The following PPP1R17 variants were observed in gnomAD, a reference collection of about 807,000 sequenced individuals.
PPP1R17 encodes protein phosphatase 1 regulatory subunit 17.
A neutral mutation model predicts 15.9 loss-of-function variants in PPP1R17; 12 were observed. That is an observed-to-expected ratio of 0.75 (90% confidence interval 0.48 to 1.22). PPP1R17 has a LOEUF of 1.22. Ranked by LOEUF, PPP1R17 falls within the 50% of genes most tolerant of loss-of-function variation. PPP1R17 has a pLI of 0.00. For synonymous variants in PPP1R17, 63 were observed against 64.5 expected, an observed-to-expected ratio of 0.98 and a Z score of 0.11; for missense variants, 211 against 187.3, an observed-to-expected ratio of 1.13 and a Z score of -0.74.
chr7:31,706,080 C>T (rs59665405), intron 4 of PPP1R17, among the ~76,000 whole-genome samples: 9,323 of 128,920 alleles, frequency 0.072, 361 homozygotes, highest in Middle Eastern at 0.12. Context: ...TCTCGGCTTG[C>T]TGCAATCTCT....
chr7:31,690,956 G>A (rs1433053572), intron 1 of PPP1R17, among the ~76,000 whole-genome samples: 1 of 152,096 alleles, frequency 6.6e-6, no homozygotes, highest in Non-Finnish European at 1.5e-5. Context: ...GAGGAAAATT[G>A]GTTAAATAGG....
intron 4 of PPP1R17, among the ~76,000 whole-genome samples, chr7:31,697,785 G>A (rs1448471536): frequency 6.6e-6 from 1 of 152,176 alleles, no homozygotes; most frequent in Admixed American, 6.5e-5. Context: ...CCTACTAAAT[G>A]TTAGGCACTC....
At chr7:31,693,942 T>C (rs186768625) in intron 2 of PPP1R17, among the ~76,000 whole-genome samples, 9 of 152,332 alleles carry the variant, frequency 5.9e-5, no homozygotes, top group South Asian at 2.1e-4. Context: ...AGGCCATACT[T>C]AGAGTGTCCA....
chr7:31,705,855 C>A (rs1362389934), intron 4 of PPP1R17, among the ~76,000 whole-genome samples: 1 of 151,948 alleles, frequency 6.6e-6, no homozygotes, highest in East Asian at 1.9e-4. Flanking sequence ...CTTCCTTTGA[C>A]CTTACATTAA....
rs749800867 is a variant in PPP1R17, at chr7:31,697,152, G to A, written c.388+35G>A. ...CTGGTGCAGGGCATTTGCAGGGGGT[G>A]ATGGGGACAGGTCAAGAACCTTACC... On this transcript the variant is annotated intron_variant, in intron 4 of 4. Coordinates refer to ENST00000342032, the MANE Select transcript of PPP1R17 (RefSeq NM_006658.5). The A allele has an allele frequency of 2.0e-5, 32 of 1,609,798 alleles. No individual in the cohort carries two copies. The East Asian group carries it at 6.9e-4, about 35-fold the overall frequency.
At chr7:31,704,479 C>T (rs962372187) in intron 4 of PPP1R17, among the ~76,000 whole-genome samples, 2 of 152,224 alleles carry the variant, frequency 1.3e-5, no homozygotes, top group South Asian at 4.2e-4. Flanking sequence ...AGAGAGAGGA[C>T]GAAGGGAAGG....
intron 4 of PPP1R17, among the ~76,000 whole-genome samples, chr7:31,699,834 T>C (rs1017556287): frequency 2.6e-5 from 4 of 152,110 alleles, no homozygotes; most frequent in Admixed American, 6.6e-5. Context: ...CTGTGATCAG[T>C]GATGTTTGAT....
In PPP1R17 at chr7:31,692,499, C is replaced by A. The variant is rs1482894095; in HGVS notation, c.58C>A (p.Leu20Ile). ...ACTCTCAGAAGACAGACTGGACAAG[C>A]TAGACCCTCGTTGCAGCCACTTAGG... The part of the protein sequence containing the change: ...LELSEDRLDK[L>I]DPRCSHLDDL... Residue 20 changes from leucine (L) to isoleucine (I), a missense_variant, in exon 2 of 5, where the codon CTA becomes ATA. Leu to Ile is a conservative substitution (Grantham distance 5). Transcript: ENST00000342032. The A allele has an allele frequency of 1.2e-6, 2 of 1,610,102 alleles. No homozygotes were observed. Among genetic ancestry groups the A allele is most frequent in the East Asian group, 2.2e-5 (1 of 44,846 alleles).
chr7:31,690,421 G>A (rs1792292836), intron 1 of PPP1R17, among the ~76,000 whole-genome samples: 1 of 152,190 alleles, frequency 6.6e-6, no homozygotes, highest in Non-Finnish European at 1.5e-5. Context: ...ATATGTTTCT[G>A]GGTGCCAGAC....
chr7:31,697,294 C>T (rs537459502), intron 4 of PPP1R17, among the ~76,000 whole-genome samples, 177 bp downstream of exon 4: 2 of 152,258 alleles, frequency 1.3e-5, no homozygotes, highest in South Asian at 2.1e-4. Context: ...CTACTAGTAG[C>T]TCCCCAGGGG....
chr7:31,700,556 T>G (rs1792801232), intron 4 of PPP1R17, among the ~76,000 whole-genome samples: 1 of 152,170 alleles, frequency 6.6e-6, no homozygotes, highest in Admixed American at 6.5e-5. Flanking sequence ...CTAAGATAAT[T>G]GGTGAGAGTG....
chr7:31,705,095 C>G (rs1793010004), intron 4 of PPP1R17, among the ~76,000 whole-genome samples: 1 of 152,188 alleles, frequency 6.6e-6, no homozygotes. Flanking sequence ...GGTTCACCCT[C>G]TACTTGAAAT....
In PPP1R17 at chr7:31,692,539, A is replaced by C. The variant is rs377129143; in HGVS notation, c.82+16A>C. ...AGCCACTTAGGTAAACAAATGATCG[A>C]TTGTGAATGTCAGTGGTGGAAGTCA... On this transcript the variant is annotated intron_variant, in intron 2 of 4. Coordinates refer to ENST00000342032, the MANE Select transcript of PPP1R17 (RefSeq NM_006658.5). 15 of 1,575,958 alleles carry C rather than the reference A, an allele frequency of 9.5e-6. No individual in the cohort carries two copies. The African/African-American group carries it at 2.0e-4, about 21-fold the overall frequency.
chr7:31,687,878 G>A (rs535436583), intron 1 of PPP1R17, among the ~76,000 whole-genome samples: 1 of 152,258 alleles, frequency 6.6e-6, no homozygotes, highest in East Asian at 1.9e-4. Context: ...ATCAAGACCT[G>A]ATTACTTTGG....
intron 2 of PPP1R17, 151 bp from the exon 3 acceptor site, chr7:31,695,318 T>C (rs1792532418): frequency 1.8e-6 from 1 of 562,910 alleles, no homozygotes; most frequent in African/African-American, 1.9e-5. Context: ...ATAAAGTCCT[T>C]TGTGGAATAG....
At chr7:31,691,997 C>G (rs938782473) in intron 1 of PPP1R17, among the ~76,000 whole-genome samples, 2 of 152,132 alleles carry the variant, frequency 1.3e-5, no homozygotes, top group African/African-American at 4.8e-5. Flanking sequence ...TCTGTCTCCT[C>G]ATCTGTGAAG....
chr7:31,703,296 G>A (rs551797277), intron 4 of PPP1R17, among the ~76,000 whole-genome samples: 1 of 152,292 alleles, frequency 6.6e-6, no homozygotes, highest in Non-Finnish European at 1.5e-5. Flanking sequence ...GTATAAACCT[G>A]CTGATTCAAG....
chr7:31,692,286 G>T (rs1310130977), intron 1 of PPP1R17, 120 bp from the exon 2 acceptor site: 1 of 602,076 alleles, frequency 1.7e-6, no homozygotes, highest in Non-Finnish European at 2.8e-6. Context: ...CACACATAAA[G>T]AAACAGGATT....
chr7:31,700,291 A>C (rs1792788014), intron 4 of PPP1R17, among the ~76,000 whole-genome samples: 1 of 152,174 alleles, frequency 6.6e-6, no homozygotes, highest in Non-Finnish European at 1.5e-5. Context: ...TGATACGGGG[A>C]AAGTTTCAGT....
Sources: allele counts gnomAD v4.1 joint callset (sites outside exome capture counted in the v4.1 genomes callset), GRCh38; gene constraint gnomAD v4.1.1; transcripts MANE v1.5; gene names NCBI Gene and HGNC (gene_info 2026-07-23, HGNC 2026-07-21).